Variants in DENND1A observed in about 807,000 individuals in gnomAD.
DENND1A encodes DENN domain containing 1A, also known as DENN domain-containing protein 1A.
In DENND1A, 51 loss-of-function variants were observed where a neutral mutation model predicts 113.7. The observed-to-expected ratio is 0.45, with a 90% CI of 0.36 to 0.57. The LOEUF is 0.57. DENND1A is among the 20% of genes least tolerant of loss of function. The probability of loss-of-function intolerance (pLI) is 0.00; values close to 1 mark genes in which losing one functional copy is unlikely to be tolerated. For missense variants in DENND1A, 1,258 were observed against 1,395.9 expected (o/e 0.90, Z 1.57); for synonymous variants, 565 against 570.8 (o/e 0.99, Z 0.14).
chr9:123,538,749 A>AGTGTGTGT lies in DENND1A; in HGVS notation c.993+18813_993+18820dup, dbSNP rs145062895. On this transcript the variant is annotated intron_variant, in intron 13 of 23. Coordinates refer to ENST00000394215, the MANE Select transcript of DENND1A (RefSeq NM_001352964.2). Reference sequence around the variant, plus strand: ...AATCCACCAGGCAATTATGTGTGTGAGTGTGTGTGTGTGTGTGTGTGTGTG... The same window carrying AGTGTGTGT: ...AATCCACCAGGCAATTATGTGTGTGAGTGTGTGTGTGTGTGTGTGTGTGTGTGTGTGTG... 3.1e-3 allele frequency among the ~76,000 whole-genome samples: 279 copies of AGTGTGTGT among 91,020 alleles called. 4 individuals carry two copies. The highest frequency in any genetic ancestry group is 0.01 in the African/African-American group (248 of 24,264). 59.7% of individuals were successfully genotyped at this position (91,020 alleles called of 152,430 possible). A position where few individuals can be genotyped will look rare whatever the true frequency, so the allele number is the denominator to read the frequency against.
At chr9:123,583,802 G>GT (rs2059035482) in intron 11 of DENND1A, among the ~76,000 whole-genome samples, 1 of 152,132 alleles carries the variant, frequency 6.6e-6, no homozygotes, top group East Asian at 1.9e-4. Context: ...TTTCAATTTG[G>GT]TTCCATTTTC....
At chr9:123,436,589 G>A (rs909676172) in intron 19 of DENND1A, among the ~76,000 whole-genome samples, 3 of 152,172 alleles carry the variant, frequency 2.0e-5, no homozygotes, top group African/African-American at 7.2e-5. Flanking sequence ...GCAGGAATAG[G>A]CATTCTCAAG....
chr9:123,877,265 C>T (rs1474744801), intron 2 of DENND1A, among the ~76,000 whole-genome samples: 3 of 151,536 alleles, frequency 2.0e-5, no homozygotes, highest in South Asian at 4.2e-4. Context: ...CTGAGGCAGG[C>T]GGATAACGAG....
At chr9:123,533,825 C>T (rs923646162) in intron 13 of DENND1A, among the ~76,000 whole-genome samples, 4 of 152,158 alleles carry the variant, frequency 2.6e-5, no homozygotes, top group Non-Finnish European at 2.9e-5. Context: ...AGAATGTTTA[C>T]GTACATTCAA....
chr9:123,499,013 G>A (rs1421182957), intron 13 of DENND1A, among the ~76,000 whole-genome samples: 1 of 148,796 alleles, frequency 6.7e-6, no homozygotes, highest in Non-Finnish European at 1.5e-5. Flanking sequence ...ATGAGCCACT[G>A]TGCCCCGCCT....
At chr9:123,729,919 C>T (rs2068033333) in intron 5 of DENND1A, among the ~76,000 whole-genome samples, 1 of 152,060 alleles carries the variant, frequency 6.6e-6, no homozygotes, top group South Asian at 2.1e-4. Flanking sequence ...ATATATAGAC[C>T]AAGGGAACAG....
intron 3 of DENND1A, among the ~76,000 whole-genome samples, chr9:123,787,657 GC>G: frequency 6.6e-6 from 1 of 152,246 alleles, no homozygotes; most frequent in East Asian, 1.9e-4. Flanking sequence ...ATCACAATTA[GC>G]CTGAGTTATG....
chr9:123,673,606 C>T (rs1340359421), intron 6 of DENND1A, among the ~76,000 whole-genome samples: 1 of 152,210 alleles, frequency 6.6e-6, no homozygotes, highest in African/African-American at 2.4e-5. Context: ...GTGCTCACTG[C>T]TCCTTAGTAT....
intron 1 of DENND1A, among the ~76,000 whole-genome samples, chr9:123,926,575 A>G (rs1857137097): frequency 6.6e-6 from 1 of 151,380 alleles, no homozygotes. Flanking sequence ...CTCAAAAAAA[A>G]AAAAAAAAAA....
rs576918306 is a variant in DENND1A at position 123,571,858 on chromosome 9, T to A, written c.867+11311A>T. Among the ~76,000 whole-genome samples the A allele has an allele frequency of 3.9e-5, 6 of 152,314 alleles. No homozygotes were observed. The South Asian group carries it at 1.2e-3, about 32-fold the overall frequency. ...TTGTATGGTAGGCGTAAGTTTAACT[T>A]CATGAGATATTGACAAACTGTTTTC... On this transcript the variant is annotated intron_variant, in intron 12 of 23. Coordinates refer to ENST00000394215, the MANE Select transcript of DENND1A (RefSeq NM_001352964.2).
At chr9:123,606,993 A>G (rs1401286937) in intron 11 of DENND1A, among the ~76,000 whole-genome samples, 1 of 152,204 alleles carries the variant, frequency 6.6e-6, no homozygotes, top group Non-Finnish European at 1.5e-5. Flanking sequence ...CAGGAGCACA[A>G]GCTAACATGG....
rs529092969 is a variant in DENND1A at position 123,667,444 on chromosome 9, G to A, written c.454-365C>T. Among the ~76,000 whole-genome samples the A allele has an allele frequency of 6.6e-5, 10 of 152,128 alleles. No homozygotes were observed. The South Asian group carries it at 8.3e-4, about 13-fold the overall frequency. On this transcript the variant is annotated intron_variant, in intron 7 of 23. Transcript: ENST00000394215. ...AGCCTGGCCAACATGGTGAAACCCC[G>A]TTTATACTGAAAATACAAAAAAATT...
intron 11 of DENND1A, among the ~76,000 whole-genome samples, chr9:123,589,622 G>C (rs549158324): frequency 1.8e-3 from 163 of 92,554 alleles, no homozygotes; most frequent in Admixed American, 3.2e-3. Flanking sequence ...CCCCCCACCA[G>C]ACTCTATAGG....
At chr9:123,865,556 C>A (rs779768403) in intron 2 of DENND1A, among the ~76,000 whole-genome samples, 1 of 152,222 alleles carries the variant, frequency 6.6e-6, no homozygotes, top group Non-Finnish European at 1.5e-5. Flanking sequence ...CCCCCCAGGG[C>A]AGACTCCTGA....
chr9:123,546,993 A>G (rs1052100348), intron 13 of DENND1A, among the ~76,000 whole-genome samples: 3 of 152,212 alleles, frequency 2.0e-5, no homozygotes, highest in Non-Finnish European at 4.4e-5. Flanking sequence ...TCTCTCACTT[A>G]GAGAGCTACT....
intron 5 of DENND1A, among the ~76,000 whole-genome samples, chr9:123,711,526 T>C (rs899662696): frequency 2.1e-4 from 30 of 143,942 alleles, no homozygotes; most frequent in East Asian, 1.6e-3. Context: ...TATATATATA[T>C]ATATATATAT....
chr9:123,408,231 G>T (rs1215758190), intron 20 of DENND1A, among the ~76,000 whole-genome samples: 2 of 152,170 alleles, frequency 1.3e-5, no homozygotes, highest in African/African-American at 4.8e-5. Flanking sequence ...TTCTCTTCGA[G>T]GCCCTTGTGG....
chr9:123,878,969 T>A lies in DENND1A; in HGVS notation c.70A>T (p.Thr24Ser), dbSNP rs1190543730. The change falls in exon 2 of 24, where the codon ACA becomes TCA. Residue 24 changes from threonine to serine, a missense_variant. By Grantham distance (58) the Thr-to-Ser change is moderately conservative. Coordinates refer to ENST00000394215, the MANE Select transcript of DENND1A (RefSeq NM_001352964.2). ...AAAGTACCTGAAAGAGTGCCACCTG[T>A]CCTGGGATAGGCCACTTCAACATAT... ...EVYVEVAYPR[T>S]GGTLSDPEVQ... 1.2e-6 allele frequency: 2 copies of A among 1,614,018 alleles called. No homozygotes were observed. Among genetic ancestry groups the A allele is most frequent in the Non-Finnish European group, 1.7e-6 (2 of 1,179,940 alleles).
At chr9:123,658,171 C>T (rs1317368399) in intron 8 of DENND1A, among the ~76,000 whole-genome samples, 1 of 152,142 alleles carries the variant, frequency 6.6e-6, no homozygotes, top group African/African-American at 2.4e-5. Flanking sequence ...ATTCTAACTG[C>T]TTTCCTCGCA....
Sources: allele counts gnomAD v4.1 joint callset (sites outside exome capture counted in the v4.1 genomes callset), GRCh38; gene constraint gnomAD v4.1.1; transcripts MANE v1.5; gene names NCBI Gene and HGNC (gene_info 2026-07-23, HGNC 2026-07-21).